Variants in RAB2A observed in about 807,000 individuals in gnomAD.
RAB2A encodes the protein RAB2A, member RAS oncogene family, also known as ras-related protein Rab-2A.
Under a neutral mutation model 32.5 loss-of-function variants are expected in RAB2A, and 7 were observed. The ratio of observed to expected loss-of-function variants is 0.22; its 90% CI spans 0.12 to 0.40. The LOEUF is 0.40. Ranked by LOEUF, RAB2A falls within the 10% of genes least tolerant of loss-of-function variation. RAB2A has a pLI of 1.00. For missense variants in RAB2A, 108 were observed against 260.7 expected, an observed-to-expected ratio of 0.41 and a Z score of 4.03; for synonymous variants, 79 against 85.2, an observed-to-expected ratio of 0.93 and a Z score of 0.40.
In RAB2A at chr8:60,605,852, T is replaced by TATATATATATATATATATATAA. The variant is rs777621349; in HGVS notation, c.475-12727_475-12726insTATATATATATATATATATAAA. ...TAATACATATATACATATATATATA[T>TATATATATATATATATATATAA]AATGCTTCATTTCAAGCTGGGGGTG... On this transcript the variant is annotated intron_variant, in intron 6 of 7. Coordinates refer to ENST00000262646, the MANE Select transcript of RAB2A (RefSeq NM_002865.3). Among the ~76,000 whole-genome samples, 71 of 144,758 alleles carry TATATATATATATATATATATAA rather than the reference T, an allele frequency of 4.9e-4. 3 individuals carry two copies. Among genetic ancestry groups the TATATATATATATATATATATAA allele is most frequent in the East Asian group, 2.9e-3 (14 of 4,906 alleles). 95.0% of individuals were successfully genotyped at this position (144,758 alleles called of 152,430 possible). A position where few individuals can be genotyped will look rare whatever the true frequency, so the allele number is the denominator to read the frequency against.
intron 2 of RAB2A, among the ~76,000 whole-genome samples, chr8:60,566,556 T>G (rs1808117110): frequency 6.6e-6 from 1 of 152,222 alleles, no homozygotes; most frequent in Non-Finnish European, 1.5e-5. Context: ...TATTCTTCTG[T>G]AACTATAAAT....
Position 60,621,858 on chromosome 8 carries a change from C to CTA in RAB2A, c.*1091_*1092dup, listed in dbSNP as rs1253637322. 3.9e-5 allele frequency: 6 copies of CTA among 152,114 alleles called. No individual in the cohort carries two copies. The highest frequency in any genetic ancestry group is 1.4e-4 in the African/African-American group (6 of 41,428). The allele number at this position is 152,114 out of a possible 1,614,324, so 9.4% of individuals were successfully genotyped here. ...TTTTGAAGGGGATATGACAATAAAT[C>CTA]TATCAGATGGAAAATCCTGTTACAA... On this transcript the variant is annotated 3_prime_UTR_variant, in exon 8 of 8. Coordinates refer to ENST00000262646, the MANE Select transcript of RAB2A (RefSeq NM_002865.3).
intron 6 of RAB2A, among the ~76,000 whole-genome samples, chr8:60,607,301 C>T (rs1012396369): frequency 1.3e-5 from 2 of 151,300 alleles, no homozygotes; most frequent in Non-Finnish European, 2.9e-5. Flanking sequence ...TGGTGGCAGG[C>T]ACCTGTAGTG....
chr8:60,618,828 T>A (rs1804488587), intron 7 of RAB2A, 180 bp downstream of exon 7: 1 of 191,384 alleles, frequency 5.2e-6, no homozygotes, highest in African/African-American at 2.4e-5. Flanking sequence ...GTATATGTGG[T>A]ATAGTAGTTA....
intron 5 of RAB2A, among the ~76,000 whole-genome samples, chr8:60,590,295 T>G (rs894507464): frequency 6.6e-6 from 1 of 151,818 alleles, no homozygotes; most frequent in African/African-American, 2.4e-5. Flanking sequence ...TTCTGATTAT[T>G]TCCTACTGAG....
intron 1 of RAB2A, among the ~76,000 whole-genome samples, chr8:60,548,409 CGG>C: frequency 5.6e-5 from 3 of 53,504 alleles, no homozygotes; most frequent in African/African-American, 5.2e-4. Context: ...ACCTCCCTCC[CGG>C]ACGGGGCGGC....
At chr8:60,530,753 C>G (rs912950161) in intron 1 of RAB2A, among the ~76,000 whole-genome samples, 1 of 152,040 alleles carries the variant, frequency 6.6e-6, no homozygotes, top group African/African-American at 2.4e-5. Context: ...CAAGTACCAC[C>G]CTGGTTCAGT....
intron 1 of RAB2A, among the ~76,000 whole-genome samples, chr8:60,520,330 A>G (rs532186546): frequency 6.6e-6 from 1 of 152,340 alleles, no homozygotes; most frequent in Non-Finnish European, 1.5e-5. Flanking sequence ...TTTCTGAATC[A>G]TTTAGTAAAA....
intron 6 of RAB2A, among the ~76,000 whole-genome samples, chr8:60,613,872 G>A (rs1176346728): frequency 6.6e-6 from 1 of 152,146 alleles, no homozygotes; most frequent in African/African-American, 2.4e-5. Context: ...ACTTTTAGCA[G>A]TTGAGAAGAA....
In RAB2A at chr8:60,620,939, A is replaced by T; in HGVS notation, c.*170A>T. The stretch of plus-strand genomic sequence containing the variant: ...TGAATAAATGGTTAATGTTCACTTA[A>T]AAGACAGATTTTGGAGATTGTATTC... On this transcript the variant is annotated 3_prime_UTR_variant, in exon 8 of 8. Coordinates refer to ENST00000262646, the MANE Select transcript of RAB2A (RefSeq NM_002865.3). 1.8e-6 allele frequency: 1 copy of T among 561,148 alleles called. No homozygotes were observed. Among genetic ancestry groups the T allele is most frequent in the East Asian group, 3.2e-5 (1 of 31,652 alleles). 34.8% of individuals were successfully genotyped at this position (561,148 alleles called of 1,614,324 possible). A position where few individuals can be genotyped will look rare whatever the true frequency, so the allele number is the denominator to read the frequency against.
intron 1 of RAB2A, among the ~76,000 whole-genome samples, chr8:60,528,105 C>T (rs1367910167): frequency 6.6e-6 from 1 of 152,192 alleles, no homozygotes; most frequent in Non-Finnish European, 1.5e-5. Context: ...ACTGTTTGGT[C>T]TGTTAAGTTT....
chr8:60,543,720 C>T (rs781462425), intron 1 of RAB2A, among the ~76,000 whole-genome samples: 1 of 151,998 alleles, frequency 6.6e-6, no homozygotes, highest in Non-Finnish European at 1.5e-5. Context: ...TAATGTACGG[C>T]GAACCAACAG....
At position 60,527,210 on chromosome 8, in the gene RAB2A, G is replaced by A. The variant is rs111890304; in HGVS notation, c.46+9957G>A. Among the ~76,000 whole-genome samples the A allele has an allele frequency of 2.2e-3, 334 of 152,226 alleles. 1 individual carries two copies. The highest frequency in any genetic ancestry group is 7.5e-3 in the African/African-American group (312 of 41,522). On this transcript the variant is annotated intron_variant, in intron 1 of 7. Coordinates refer to ENST00000262646, the MANE Select transcript of RAB2A (RefSeq NM_002865.3). ...CAACCAGATCTCGTGAGAACTCACT[G>A]TCACTGAGAACAGCAAGGGGAGGAA...
At chr8:60,605,621 G>T (rs563208376) in intron 6 of RAB2A, among the ~76,000 whole-genome samples, 3 of 152,132 alleles carry the variant, frequency 2.0e-5, no homozygotes, top group Non-Finnish European at 4.4e-5. Flanking sequence ...TGCCCTGGAC[G>T]TGGGACATGG....
intron 6 of RAB2A, among the ~76,000 whole-genome samples, chr8:60,604,161 G>A (rs942148162): frequency 2.6e-5 from 4 of 152,128 alleles, no homozygotes; most frequent in Admixed American, 6.5e-5. Context: ...TTCTCCTGCT[G>A]TGGTCACGTG....
rs138625508 is a variant in RAB2A at position 60,566,271 on chromosome 8, C to T, written c.119-5775C>T. Among the ~76,000 whole-genome samples the T allele has an allele frequency of 1.5e-3, 223 of 152,310 alleles. 2 individuals carry two copies. Among genetic ancestry groups the T allele is most frequent in the Middle Eastern group, 3.4e-3 (1 of 294 alleles). On this transcript the variant is annotated intron_variant, in intron 2 of 7. Transcript: ENST00000262646. Reference sequence around the variant, plus strand: ...TGCGCATTCCTCCTCATCCTTGCTTCTACTGCAGCTCATTCAGTTTTTAAT... The same window carrying T: ...TGCGCATTCCTCCTCATCCTTGCTTTTACTGCAGCTCATTCAGTTTTTAAT...
intron 2 of RAB2A, among the ~76,000 whole-genome samples, chr8:60,561,875 C>G (rs1395311993): frequency 1.3e-5 from 2 of 152,186 alleles, no homozygotes; most frequent in African/African-American, 2.4e-5. Context: ...ATTTAGTCAT[C>G]ATGTCCTTAT....
At chr8:60,537,161 C>T (rs1586067699) in intron 1 of RAB2A, among the ~76,000 whole-genome samples, 1 of 152,056 alleles carries the variant, frequency 6.6e-6, no homozygotes, top group East Asian at 1.9e-4. Flanking sequence ...TGTGTAAATG[C>T]ATATATATCT....
At chr8:60,576,865 A>G (rs931001895) in intron 3 of RAB2A, among the ~76,000 whole-genome samples, 5 of 152,090 alleles carry the variant, frequency 3.3e-5, no homozygotes, top group South Asian at 2.1e-4. Flanking sequence ...TAGAGCTCCA[A>G]CTGTTCTTCC....
Sources: gnomAD v4.1 joint callset for allele counts (sites outside exome capture counted in the v4.1 genomes callset) on GRCh38, gnomAD v4.1.1 for gene constraint, MANE v1.5 for transcripts, NCBI Gene and HGNC (gene_info 2026-07-23, HGNC 2026-07-21) for gene names.